Variants in BACH2 observed in about 807,000 individuals in gnomAD.
BACH2 encodes transcription regulator protein BACH2.
In BACH2, 5 loss-of-function variants were observed where a neutral mutation model predicts 61.8. The observed-to-expected ratio is 0.08, with a 90% CI of 0.04 to 0.17. BACH2 has a LOEUF of 0.17. Ranked by LOEUF, BACH2 falls within the 10% of genes least tolerant of loss-of-function variation. BACH2 has a pLI of 1.00. For synonymous variants in BACH2, 446 were observed against 440.1 expected (o/e 1.01, Z -0.17); for missense variants, 824 against 1,091.1 (o/e 0.76, Z 3.45).
In BACH2 at chr6:90,256,270, G is replaced by C. The variant is rs144973069; in HGVS notation, c.-352-3680C>G. On this transcript the variant is annotated intron_variant, in intron 2 of 8. Transcript: ENST00000257749. Reference sequence around the variant, plus strand: ...CGTTTTCCAGCCTCCTTTGCAGCTAGTTGGTGACATGTGATTGAGTTCTAC... The same window carrying C: ...CGTTTTCCAGCCTCCTTTGCAGCTACTTGGTGACATGTGATTGAGTTCTAC... Among the ~76,000 whole-genome samples the C allele has an allele frequency of 1.1e-4, 17 of 152,332 alleles. No individual in the cohort carries two copies. The East Asian group carries it at 3.1e-3, about 28-fold the overall frequency.
intron 6 of BACH2, 183 bp from the exon 7 acceptor site, chr6:89,952,045 T>C: frequency 1.5e-6 from 1 of 684,660 alleles, no homozygotes; most frequent in Non-Finnish European, 2.4e-6. Context: ...GCCTGTCTCG[T>C]GCATGCCACT....
At chr6:89,942,708 G>T (rs567717877) in intron 7 of BACH2, among the ~76,000 whole-genome samples, 1 of 152,286 alleles carries the variant, frequency 6.6e-6, no homozygotes, top group Admixed American at 6.5e-5. Flanking sequence ...TTAGCCAGGG[G>T]TCTACCACTT....
chr6:90,014,719 C>T (rs574193769), intron 5 of BACH2, among the ~76,000 whole-genome samples: 29 of 151,408 alleles, frequency 1.9e-4, no homozygotes, highest in Admixed American at 7.9e-4. Flanking sequence ...ATGATCCACC[C>T]GCCTTGGCCT....
intron 4 of BACH2, among the ~76,000 whole-genome samples, chr6:90,102,113 G>A (rs62408203): frequency 1.3e-5 from 2 of 151,930 alleles, no homozygotes; most frequent in Non-Finnish European, 2.9e-5. Flanking sequence ...GGAATATCCT[G>A]GCACAAAAAC....
At chr6:89,969,688 C>T (rs1160802417) in intron 6 of BACH2, among the ~76,000 whole-genome samples, 1 of 152,156 alleles carries the variant, frequency 6.6e-6, no homozygotes. Flanking sequence ...TGCCCTCCAC[C>T]CCACCTAAAT....
intron 4 of BACH2, among the ~76,000 whole-genome samples, chr6:90,172,305 CAA>C (rs10713693): frequency 0.25 from 20,843 of 83,010 alleles, 1,373 homozygotes; most frequent in East Asian, 0.48. Flanking sequence ...GACTCCATCT[CAA>C]AAAAAAAAAA....
At chr6:89,998,304 T>C (rs956956061) in intron 6 of BACH2, among the ~76,000 whole-genome samples, 1 of 152,180 alleles carries the variant, frequency 6.6e-6, no homozygotes, top group Non-Finnish European at 1.5e-5. Context: ...GTGGAATGCA[T>C]TAACTTTTTC....
chr6:90,149,616 A>G (rs1784741828), intron 4 of BACH2, among the ~76,000 whole-genome samples: 1 of 152,238 alleles, frequency 6.6e-6, no homozygotes, highest in Non-Finnish European at 1.5e-5. Context: ...AAAAGGATAT[A>G]TTCATGGAAC....
At chr6:90,111,701 A>G (rs1466974575) in intron 4 of BACH2, among the ~76,000 whole-genome samples, 2 of 152,182 alleles carry the variant, frequency 1.3e-5, no homozygotes, top group Admixed American at 1.3e-4. Flanking sequence ...TGGATTACAT[A>G]GCTCCATTTA....
In BACH2 at chr6:90,036,593, C is replaced by T. The variant is rs183657540; in HGVS notation, c.-12-27737G>A. ...ATGCTTATTTCATTACACATCCATCCATCTATATCCATCAGATTTTTTTCA... is the reference window on the plus strand; with the variant it reads ...ATGCTTATTTCATTACACATCCATCTATCTATATCCATCAGATTTTTTTCA... On this transcript the variant is annotated intron_variant, in intron 5 of 8. Coordinates refer to ENST00000257749, the MANE Select transcript of BACH2 (RefSeq NM_021813.4). Among the ~76,000 whole-genome samples the T allele has an allele frequency of 2.6e-5, 4 of 152,228 alleles. No individual in the cohort carries two copies. In the East Asian group the frequency reaches 5.8e-4, roughly 22 times the overall value.
At chr6:90,195,516 CA>C (rs977766955) in intron 4 of BACH2, among the ~76,000 whole-genome samples, 1 of 151,542 alleles carries the variant, frequency 6.6e-6, no homozygotes, top group Non-Finnish European at 1.5e-5. Context: ...TCTGTGAGAT[CA>C]AAGCCAGCGG....
chr6:90,053,319 A>G (rs1299956248), intron 5 of BACH2, among the ~76,000 whole-genome samples: 1 of 151,832 alleles, frequency 6.6e-6, no homozygotes, highest in African/African-American at 2.4e-5. Context: ...GTACTTTGTC[A>G]TCCAAGCTGG....
chr6:90,063,105 T>C (rs1304848172), intron 5 of BACH2: 1 of 162,856 alleles, frequency 6.1e-6, no homozygotes, highest in African/African-American at 2.4e-5. Flanking sequence ...GTAACAAATA[T>C]CTGAATATAC....
chr6:90,287,566 G>A (rs910280751), intron 1 of BACH2, among the ~76,000 whole-genome samples: 3 of 152,028 alleles, frequency 2.0e-5, no homozygotes, highest in Admixed American at 6.6e-5. Flanking sequence ...GCAAAAGGCG[G>A]GAAATGCTCA....
chr6:89,983,411 G>A (rs907345361), intron 6 of BACH2, among the ~76,000 whole-genome samples: 2 of 152,214 alleles, frequency 1.3e-5, no homozygotes, highest in Non-Finnish European at 2.9e-5. Flanking sequence ...GCTCATGCCT[G>A]TAATTACAGC....
intron 3 of BACH2, among the ~76,000 whole-genome samples, chr6:90,213,343 T>C (rs947402436): frequency 6.6e-6 from 1 of 152,224 alleles, no homozygotes; most frequent in African/African-American, 2.4e-5. Context: ...GCTAATACTT[T>C]GGAAATTTTG....
chr6:89,932,380 G>C lies in BACH2; in HGVS notation c.*28C>G. On this transcript the variant is annotated 3_prime_UTR_variant, in exon 9 of 9. Coordinates refer to ENST00000257749, the MANE Select transcript of BACH2 (RefSeq NM_021813.4). Reference sequence around the variant, plus strand: ...TGAAGAACGCCTGGATGGGAGAGGTGTGCGGACTGGGAGGCAGAGCCGAGT... The same window carrying C: ...TGAAGAACGCCTGGATGGGAGAGGTCTGCGGACTGGGAGGCAGAGCCGAGT... The C allele has an allele frequency of 1.9e-6, 3 of 1,597,786 alleles. No individual in the cohort carries two copies. Among genetic ancestry groups the C allele is most frequent in the Non-Finnish European group, 2.6e-6 (3 of 1,168,048 alleles).
chr6:90,135,076 C>A (rs1217550835), intron 4 of BACH2, among the ~76,000 whole-genome samples: 2 of 152,174 alleles, frequency 1.3e-5, no homozygotes, highest in Non-Finnish European at 2.9e-5. Flanking sequence ...GACCGTGCAA[C>A]AGTATCACCT....
chr6:90,046,728 T>TA (rs1779795811), intron 5 of BACH2, among the ~76,000 whole-genome samples: 1 of 152,036 alleles, frequency 6.6e-6, no homozygotes, highest in South Asian at 2.1e-4. Flanking sequence ...CACAGACCTA[T>TA]AGAGACGCTT....
Sources: allele counts gnomAD v4.1 joint callset (sites outside exome capture counted in the v4.1 genomes callset), GRCh38; gene constraint gnomAD v4.1.1; transcripts MANE v1.5; gene names NCBI Gene and HGNC (gene_info 2026-07-23, HGNC 2026-07-21).